Variants in GRIA4 observed in about 807,000 individuals in gnomAD.
GRIA4 encodes the protein glutamate ionotropic receptor AMPA type subunit 4, also known as glutamate receptor 4.
GRIA4 carries 34 observed loss-of-function variants against 104.0 expected under a neutral mutation model. The ratio of observed to expected loss-of-function variants is 0.33; its 90% CI spans 0.25 to 0.44. The LOEUF (loss-of-function observed/expected upper bound fraction) is 0.44, where lower values mean the gene tolerates loss of function less well. Ranked by LOEUF, GRIA4 falls within the 20% of genes least tolerant of loss-of-function variation. GRIA4 has a pLI of 1.00. For synonymous variants in GRIA4, 386 were observed against 381.9 expected, an observed-to-expected ratio of 1.01 and a Z score of -0.13; for missense variants, 750 against 1,096.5, an observed-to-expected ratio of 0.68 and a Z score of 4.46.
At chr11:105,794,512 T>TATATATATATATATATATATAC (rs1313325715) in intron 4 of GRIA4, among the ~76,000 whole-genome samples, 1 of 106,906 alleles carries the variant, frequency 9.4e-6, no homozygotes, top group African/African-American at 3.8e-5. Flanking sequence ...TATATATATA[T>TATATATATATATATATATATAC]ACATATACAC....
At chr11:105,659,516 G>C (rs1478410986) in intron 3 of GRIA4, among the ~76,000 whole-genome samples, 1 of 151,822 alleles carries the variant, frequency 6.6e-6, no homozygotes, top group East Asian at 1.9e-4. Context: ...AAAGAAGAAG[G>C]ACAAAAATGA....
chr11:105,876,330 A>G (rs1362751236), intron 5 of GRIA4, among the ~76,000 whole-genome samples: 1 of 151,956 alleles, frequency 6.6e-6, no homozygotes, highest in Non-Finnish European at 1.5e-5. Flanking sequence ...TACTTTACTT[A>G]CAGTTATGTG....
At chr11:105,742,266 T>C (rs890781960) in intron 3 of GRIA4, among the ~76,000 whole-genome samples, 4 of 152,160 alleles carry the variant, frequency 2.6e-5, no homozygotes, top group African/African-American at 9.7e-5. Context: ...CAACCTTCCC[T>C]TGTAAATCAG....
chr11:105,800,563 T>C (rs1210899712), intron 4 of GRIA4, among the ~76,000 whole-genome samples: 2 of 152,066 alleles, frequency 1.3e-5, no homozygotes, highest in African/African-American at 2.4e-5. Context: ...AAAATTAATA[T>C]AGACTAAATA....
intron 3 of GRIA4, among the ~76,000 whole-genome samples, chr11:105,672,643 G>C (rs919869866): frequency 6.6e-6 from 1 of 151,990 alleles, no homozygotes; most frequent in African/African-American, 2.4e-5. Context: ...GTATTAATCC[G>C]TATTTCCAAC....
chr11:105,855,528 C>T (rs934856909), intron 4 of GRIA4, among the ~76,000 whole-genome samples: 3 of 151,796 alleles, frequency 2.0e-5, no homozygotes, highest in African/African-American at 7.3e-5. Context: ...AAAAGTTGTA[C>T]TTTATGAGCA....
chr11:105,870,595 C>T (rs1350988274), intron 5 of GRIA4, among the ~76,000 whole-genome samples: 1 of 150,988 alleles, frequency 6.6e-6, no homozygotes, highest in Admixed American at 6.6e-5. Flanking sequence ...AGTTTGAATT[C>T]CCCAGGCAGA....
intron 3 of GRIA4, among the ~76,000 whole-genome samples, chr11:105,671,330 A>T (rs1742117442): frequency 6.6e-6 from 1 of 152,108 alleles, no homozygotes; most frequent in South Asian, 2.1e-4. Flanking sequence ...AGAGGTGGTC[A>T]ACAGAGGTTT....
chr11:105,860,715 C>A (rs1254501767), intron 4 of GRIA4, among the ~76,000 whole-genome samples: 1 of 151,966 alleles, frequency 6.6e-6, no homozygotes, highest in Non-Finnish European at 1.5e-5. Context: ...AATCCCAGCA[C>A]TTTGGGAGGC....
intron 10 of GRIA4, among the ~76,000 whole-genome samples, chr11:105,913,785 A>C (rs561974924): frequency 1.3e-5 from 2 of 152,188 alleles, no homozygotes; most frequent in African/African-American, 2.4e-5. Context: ...CTTATGATGC[A>C]TTGCTCAACT....
chr11:105,733,344 A>C (rs898071293), intron 3 of GRIA4, among the ~76,000 whole-genome samples: 4 of 152,238 alleles, frequency 2.6e-5, no homozygotes, highest in Non-Finnish European at 5.9e-5. Flanking sequence ...TTTATTTACC[A>C]GTAGACATTA....
intron 4 of GRIA4, among the ~76,000 whole-genome samples, chr11:105,763,464 A>C (rs1940766968): frequency 6.6e-6 from 1 of 152,212 alleles, no homozygotes; most frequent in African/African-American, 2.4e-5. Context: ...GGCAGAATAG[A>C]AAGGATCGAT....
intron 4 of GRIA4, among the ~76,000 whole-genome samples, chr11:105,786,655 T>C (rs185250823): frequency 1.3e-5 from 2 of 152,196 alleles, no homozygotes; most frequent in Non-Finnish European, 2.9e-5. Context: ...CCCAGAAAGG[T>C]TTTTTATTAA....
intron 4 of GRIA4, among the ~76,000 whole-genome samples, chr11:105,814,444 G>C (rs552175078): frequency 6.6e-6 from 1 of 152,164 alleles, no homozygotes; most frequent in South Asian, 2.1e-4. Flanking sequence ...AAAATGATAT[G>C]GCAACTACTA....
In GRIA4 at chr11:105,911,572, A is replaced by G. The variant is rs189774717; in HGVS notation, c.1269+1027A>G. Among the ~76,000 whole-genome samples, 386 of 151,286 alleles carry G rather than the reference A, an allele frequency of 2.6e-3. 8 individuals are homozygous for G. The highest frequency in any genetic ancestry group is 8.3e-4 in the Non-Finnish European group (56 of 67,712). ...TGAGTTGTTCCCAAAAGTGATATTA[A>G]GGTTAAAGCATGAAAATGCCAGAGA... is the stretch of plus-strand genomic sequence containing the variant. On this transcript the variant is annotated intron_variant, in intron 10 of 16. Coordinates refer to ENST00000282499, the MANE Select transcript of GRIA4 (RefSeq NM_000829.4).
chr11:105,692,101 A>T (rs951855823), intron 3 of GRIA4, among the ~76,000 whole-genome samples: 1 of 152,080 alleles, frequency 6.6e-6, no homozygotes, highest in Non-Finnish European at 1.5e-5. Context: ...AATTTAGGAG[A>T]TATAAAAATT....
At chr11:105,772,508 T>C (rs1404953146) in intron 4 of GRIA4, among the ~76,000 whole-genome samples, 72 of 152,142 alleles carry the variant, frequency 4.7e-4, no homozygotes, top group Non-Finnish European at 1.5e-5. Context: ...ATTGAAAGAA[T>C]ATAGGATATA....
intron 11 of GRIA4, among the ~76,000 whole-genome samples, chr11:105,921,911 T>C (rs1947576498): frequency 6.6e-6 from 1 of 152,038 alleles, no homozygotes; most frequent in South Asian, 2.1e-4. Flanking sequence ...AAATACATAA[T>C]ATTGATAGGA....
chr11:105,618,997 A>C (rs1041673903), intron 3 of GRIA4, among the ~76,000 whole-genome samples: 2 of 151,970 alleles, frequency 1.3e-5, no homozygotes, highest in African/African-American at 4.8e-5. Flanking sequence ...AGTTTAAAGA[A>C]AGAATTGCAA....
Sources: allele counts gnomAD v4.1 joint callset (sites outside exome capture counted in the v4.1 genomes callset), GRCh38; gene constraint gnomAD v4.1.1; transcripts MANE v1.5; gene names NCBI Gene and HGNC (gene_info 2026-07-23, HGNC 2026-07-21).